Variants in PIP4P2 observed in about 807,000 individuals in gnomAD.
PIP4P2 encodes type 2 phosphatidylinositol 4,5-bisphosphate 4-phosphatase.
PIP4P2 carries 19 observed loss-of-function variants against 33.3 expected under a neutral mutation model. The observed-to-expected ratio is 0.57, with a 90% CI of 0.40 to 0.84. The LOEUF (loss-of-function observed/expected upper bound fraction) is 0.84, where lower values mean the gene tolerates loss of function less well. Ranked by LOEUF, PIP4P2 falls within the 40% of genes least tolerant of loss-of-function variation. PIP4P2 has a pLI of 0.00. For missense variants in PIP4P2, 270 were observed against 324.7 expected, an observed-to-expected ratio of 0.83 and a Z score of 1.29; for synonymous variants, 110 against 111.9, an observed-to-expected ratio of 0.98 and a Z score of 0.11.
At chr8:91,003,759 C>A (rs925540225) in intron 5 of PIP4P2, among the ~76,000 whole-genome samples, 2 of 151,860 alleles carry the variant, frequency 1.3e-5, no homozygotes, top group Non-Finnish European at 2.9e-5. Context: ...GGATAAAGTG[C>A]GGTCAAGTTC....
chr8:91,007,926 T>G (rs73299963), intron 5 of PIP4P2, among the ~76,000 whole-genome samples: 4,241 of 152,292 alleles, frequency 0.028, 191 homozygotes, highest in African/African-American at 0.097. Flanking sequence ...AAGTCTCTAA[T>G]GAGCCTCCTG....
At chr8:91,033,138 T>C (rs893304024) in intron 1 of PIP4P2, among the ~76,000 whole-genome samples, 5 of 152,226 alleles carry the variant, frequency 3.3e-5, no homozygotes, top group African/African-American at 1.2e-4. Context: ...ATTTAATAAA[T>C]AATTGTTGAA....
intron 5 of PIP4P2, among the ~76,000 whole-genome samples, chr8:91,003,513 G>A (rs190470754): frequency 1.3e-5 from 2 of 152,272 alleles, no homozygotes; most frequent in East Asian, 1.9e-4. Context: ...TAGAAATAAT[G>A]TAGGGGGTGA....
chr8:91,027,653 C>T (rs1369482680), intron 1 of PIP4P2, among the ~76,000 whole-genome samples: 1 of 151,918 alleles, frequency 6.6e-6, no homozygotes, highest in African/African-American at 2.4e-5. Context: ...ATGAATTTAG[C>T]GAGATTTTCT....
intron 5 of PIP4P2, among the ~76,000 whole-genome samples, chr8:91,006,923 C>T (rs970443102): frequency 3.3e-5 from 5 of 152,126 alleles, no homozygotes; most frequent in African/African-American, 7.2e-5. Flanking sequence ...AAGCTGAGAT[C>T]GTGCCAGTGC....
intron 5 of PIP4P2, among the ~76,000 whole-genome samples, chr8:90,999,468 A>C (rs533678605): frequency 6.6e-6 from 1 of 152,198 alleles, no homozygotes; most frequent in African/African-American, 2.4e-5. Context: ...TTTTCCACTC[A>C]ATTCAAAGAG....
intron 4 of PIP4P2, among the ~76,000 whole-genome samples, chr8:91,010,615 A>G (rs1370030499): frequency 1.3e-5 from 2 of 151,902 alleles, no homozygotes. Flanking sequence ...AACGGAGCAA[A>G]CTAATAACAA....
At position 90,995,488 on chromosome 8, in the gene PIP4P2, C is replaced by G. The variant is rs1008393485; in HGVS notation, c.*189G>C. On this transcript the variant is annotated 3_prime_UTR_variant, in exon 7 of 7. Coordinates refer to ENST00000285419, the MANE Select transcript of PIP4P2 (RefSeq NM_018710.3). ...GCTTTATTATTCAAATTTTGAAAAC[C>G]TAGCAGCAAAACAATTTGCATATAA... 4.6e-5 allele frequency: 25 copies of G among 541,334 alleles called. No homozygotes were observed. The highest frequency in any genetic ancestry group is 6.9e-5 in the Non-Finnish European group (25 of 363,052). 33.5% of individuals were successfully genotyped at this position (541,334 alleles called of 1,614,324 possible).
At chr8:91,021,436 T>A (rs765132775) in intron 1 of PIP4P2, 32 bp from the exon 2 acceptor site, 1 of 1,607,096 alleles carries the variant, frequency 6.2e-7, no homozygotes, top group African/African-American at 1.3e-5. Context: ...AATCAGAGTC[T>A]TGGAGAAATT....
chr8:90,996,080 TCTTA>T (rs1811624827), intron 6 of PIP4P2, among the ~76,000 whole-genome samples: 1 of 152,174 alleles, frequency 6.6e-6, no homozygotes, highest in Non-Finnish European at 1.5e-5. Context: ...CCATGTAACT[TCTTA>T]CTATCATGGG....
intron 4 of PIP4P2, among the ~76,000 whole-genome samples, chr8:91,016,372 C>A (rs952313172): frequency 6.6e-6 from 1 of 151,718 alleles, no homozygotes; most frequent in Non-Finnish European, 1.5e-5. Flanking sequence ...TCAAAAAGAC[C>A]CTCACGAAGA....
At chr8:90,996,773 A>T in intron 5 of PIP4P2, 29 bp from the exon 6 acceptor site, 1 of 1,541,784 alleles carries the variant, frequency 6.5e-7, no homozygotes, top group Non-Finnish European at 8.8e-7. Flanking sequence ...AAAAGAGAAC[A>T]TTAAGTATTT....
chr8:90,995,852 T>G, intron 6 of PIP4P2, 32 bp from the exon 7 acceptor site: 16 of 1,569,866 alleles, frequency 1.0e-5, no homozygotes, highest in Non-Finnish European at 1.4e-5. Context: ...AAACAAAATA[T>G]TAGAAACTTT....
rs899931564 is a variant in PIP4P2, at chr8:90,995,953, G to A, written c.631-133C>T. 4 of 990,966 alleles carry A rather than the reference G, an allele frequency of 4.0e-6. No individual in the cohort carries two copies. In the African/African-American group the frequency reaches 5.0e-5, roughly 12 times the overall value. The allele number at this position is 990,966 out of a possible 1,614,324, so 61.4% of individuals were successfully genotyped here. Reference sequence around the variant, plus strand: ...CCGAATACACAAAGTCCTTATAAGAGTAGGTGTATCTGTTGACTGCAACTG... The same window carrying A: ...CCGAATACACAAAGTCCTTATAAGAATAGGTGTATCTGTTGACTGCAACTG... On this transcript the variant is annotated intron_variant, in intron 6 of 6. Transcript: ENST00000285419.
intron 5 of PIP4P2, among the ~76,000 whole-genome samples, chr8:91,006,761 G>C (rs1811769974): frequency 6.6e-6 from 1 of 152,160 alleles, no homozygotes; most frequent in Non-Finnish European, 1.5e-5. Flanking sequence ...CCGAGGTCAG[G>C]AGTTCGAGAC....
chr8:91,039,397 T>C (rs1480583255), intron 1 of PIP4P2, among the ~76,000 whole-genome samples: 2 of 152,216 alleles, frequency 1.3e-5, no homozygotes, highest in Non-Finnish European at 2.9e-5. Flanking sequence ...CAGCTAAGCA[T>C]CTTTTTCCTT....
At chr8:90,996,120 A>T (rs1023801247) in intron 6 of PIP4P2, among the ~76,000 whole-genome samples, 2 of 152,158 alleles carry the variant, frequency 1.3e-5, no homozygotes, top group Non-Finnish European at 2.9e-5. Flanking sequence ...GCTAATAATA[A>T]GGGACTAGTT....
chr8:91,031,059 G>GCTT (rs1260927162), intron 1 of PIP4P2, among the ~76,000 whole-genome samples: 1 of 152,116 alleles, frequency 6.6e-6, no homozygotes, highest in Non-Finnish European at 1.5e-5. Context: ...AGACCACATG[G>GCTT]CTTCCACTTA....
chr8:90,996,624 A>G (rs1198832898), intron 6 of PIP4P2, 30 bp downstream of exon 6: 6 of 1,569,194 alleles, frequency 3.8e-6, no homozygotes, highest in Non-Finnish European at 5.2e-6. Flanking sequence ...TTGAGAGGAC[A>G]GAATTCTAAC....
Sources: gnomAD v4.1 joint callset for allele counts (sites outside exome capture counted in the v4.1 genomes callset) on GRCh38, gnomAD v4.1.1 for gene constraint, MANE v1.5 for transcripts, NCBI Gene and HGNC (gene_info 2026-07-23, HGNC 2026-07-21) for gene names.